Variants in OPCML observed in about 807,000 individuals in gnomAD.
OPCML encodes opioid-binding protein/cell adhesion molecule.
A neutral mutation model predicts 37.8 loss-of-function variants in OPCML; 13 were observed. The observed-to-expected ratio is 0.34, with a 90% confidence interval of 0.22 to 0.55. The LOEUF (loss-of-function observed/expected upper bound fraction) is 0.55. OPCML is among the 20% of genes least tolerant of loss of function. The pLI is 0.91. For synonymous variants in OPCML, 176 were observed against 168.8 expected (o/e 1.04, Z -0.33); for missense variants, 341 against 435.6 (o/e 0.78, Z 1.93).
intron 1 of OPCML, among the ~76,000 whole-genome samples, chr11:133,484,331 T>G (rs1947483292): frequency 6.6e-6 from 1 of 152,154 alleles, no homozygotes; most frequent in East Asian, 1.9e-4. Context: ...CCAATGATGA[T>G]AATGTCCCAT....
rs923309145 is a variant in OPCML, at chr11:133,174,588, A to C, written c.62-231578T>G. On this transcript the variant is annotated intron_variant, in intron 1 of 7. Transcript: ENST00000524381. The surrounding 1 kb of genome is among the most constrained non-coding windows in gnomAD (Gnocchi z 4.6). ...AGAGTTGTACTCTATCTATACAGTAAGTATATGCATTTATTTGTGTTGAAA... is the reference window on the plus strand; with the variant it reads ...AGAGTTGTACTCTATCTATACAGTACGTATATGCATTTATTTGTGTTGAAA... Among the ~76,000 whole-genome samples, 1 of 151,242 alleles carries C rather than the reference A, an allele frequency of 6.6e-6. No individual in the cohort carries two copies. The highest frequency in any genetic ancestry group is 2.1e-4 in the South Asian group (1 of 4,762).
intron 1 of OPCML, among the ~76,000 whole-genome samples, chr11:133,489,003 G>A (rs61912408): frequency 6.8e-6 from 1 of 147,150 alleles, no homozygotes; most frequent in African/African-American, 2.5e-5. Flanking sequence ...TTCACTAAAT[G>A]GTGTTGGGAA....
chr11:132,765,604 A>G (rs898961690), intron 2 of OPCML, among the ~76,000 whole-genome samples: 1 of 152,204 alleles, frequency 6.6e-6, no homozygotes, highest in Non-Finnish European at 1.5e-5. Flanking sequence ...ACTGGAGTTG[A>G]TTATCTTTCT....
At chr11:133,481,941 G>A (rs1947380597) in intron 1 of OPCML, among the ~76,000 whole-genome samples, 1 of 152,102 alleles carries the variant, frequency 6.6e-6, no homozygotes, top group African/African-American at 2.4e-5. Flanking sequence ...GGAAACCTGA[G>A]GTCAGAAACC....
At position 133,357,035 on chromosome 11, in the gene OPCML, C is replaced by A. The variant is rs563492839; in HGVS notation, c.61+175229G>T. On this transcript the variant is annotated intron_variant, in intron 1 of 7. Transcript: ENST00000524381. ...ATGTACTGAGAAAGTAGGTTATATA[C>A]TTGAATTGTCATTCAACCGTTTGCT... Among the ~76,000 whole-genome samples, 18 of 152,348 alleles carry A rather than the reference C, an allele frequency of 1.2e-4. No homozygotes were observed. In the South Asian group the frequency reaches 3.5e-3, roughly 30 times the overall value.
At chr11:133,132,370 C>T (rs1949618548) in intron 1 of OPCML, among the ~76,000 whole-genome samples, 3 of 152,160 alleles carry the variant, frequency 2.0e-5, no homozygotes, top group Non-Finnish European at 4.4e-5. Flanking sequence ...ATTAAAAAGA[C>T]TGATTATACC....
At chr11:133,258,819 C>A (rs2136451487) in intron 1 of OPCML, among the ~76,000 whole-genome samples, 1 of 152,250 alleles carries the variant, frequency 6.6e-6, no homozygotes, top group African/African-American at 2.4e-5. Flanking sequence ...CCCCACTCCA[C>A]CCAGCCTGCC....
At chr11:133,343,745 T>C (rs1429518168) in intron 1 of OPCML, among the ~76,000 whole-genome samples, 1 of 152,196 alleles carries the variant, frequency 6.6e-6, no homozygotes, top group East Asian at 1.9e-4. Flanking sequence ...ATTCAATCAC[T>C]TTACAAATGG....
At chr11:133,143,392 T>G (rs1336110693) in intron 1 of OPCML, among the ~76,000 whole-genome samples, 8 of 151,962 alleles carry the variant, frequency 5.3e-5, no homozygotes, top group Non-Finnish European at 8.8e-5. Flanking sequence ...CTCTATGGGG[T>G]GGAATGACCA....
At chr11:133,340,269 C>T (rs186413060) in intron 1 of OPCML, among the ~76,000 whole-genome samples, 3 of 152,244 alleles carry the variant, frequency 2.0e-5, no homozygotes, top group African/African-American at 2.4e-5. Context: ...TTTGACTCTC[C>T]GGGTAATCCG....
chr11:132,839,990 G>A (rs1941220168), intron 2 of OPCML, among the ~76,000 whole-genome samples: 1 of 152,144 alleles, frequency 6.6e-6, no homozygotes, highest in African/African-American at 2.4e-5. Context: ...TTGCTGGGAG[G>A]AGGTCCAGGC....
chr11:132,627,432 C>CTT (rs1354102836), intron 3 of OPCML, among the ~76,000 whole-genome samples: 1 of 152,216 alleles, frequency 6.6e-6, no homozygotes, highest in African/African-American at 2.4e-5. Flanking sequence ...ATAGCACAAT[C>CTT]TATCAGGATA....
At chr11:132,607,542 A>T (rs1183223353) in intron 3 of OPCML, among the ~76,000 whole-genome samples, 1 of 152,196 alleles carries the variant, frequency 6.6e-6, no homozygotes, top group Non-Finnish European at 1.5e-5. Context: ...ATAGAAGCCC[A>T]CAGTGTATAT....
chr11:133,094,682 C>G (rs1289188677), intron 1 of OPCML, among the ~76,000 whole-genome samples: 3 of 152,014 alleles, frequency 2.0e-5, no homozygotes, highest in Admixed American at 2.0e-4. Context: ...ATTCAAATAG[C>G]AAGAGAGAGA....
intron 1 of OPCML, among the ~76,000 whole-genome samples, chr11:133,466,372 A>C (rs1171223806): frequency 6.6e-6 from 1 of 152,206 alleles, no homozygotes; most frequent in Admixed American, 6.5e-5. Context: ...AGCAATTTGG[A>C]TTGGAGGAAG....
At chr11:133,314,802 G>A (rs944038207) in intron 1 of OPCML, among the ~76,000 whole-genome samples, 8 of 152,296 alleles carry the variant, frequency 5.3e-5, no homozygotes, top group Non-Finnish European at 7.3e-5. Flanking sequence ...AAAAATTAAC[G>A]TGCATCTGTT....
intron 3 of OPCML, among the ~76,000 whole-genome samples, chr11:132,616,863 C>A (rs1231669467): frequency 1.3e-5 from 2 of 152,226 alleles, no homozygotes; most frequent in African/African-American, 4.8e-5. Context: ...GGAGGACACA[C>A]TGGTTGTGTC....
chr11:133,378,350 T>C (rs1406850010), intron 1 of OPCML, among the ~76,000 whole-genome samples: 3 of 152,220 alleles, frequency 2.0e-5, no homozygotes, highest in African/African-American at 7.2e-5. Flanking sequence ...AACATTACGT[T>C]TGTATTAAAT....
intron 2 of OPCML, among the ~76,000 whole-genome samples, chr11:132,707,439 TA>T (rs1172483321): frequency 3.4e-4 from 52 of 152,328 alleles, no homozygotes; most frequent in African/African-American, 1.2e-3. Context: ...AGCACTCTGC[TA>T]GGCACTTTTG....
Sources: gnomAD v4.1 joint callset for allele counts (sites outside exome capture counted in the v4.1 genomes callset) on GRCh38, gnomAD v4.1.1 for gene constraint, Gnocchi (gnomAD v3.1) non-coding constraint, MANE v1.5 for transcripts, NCBI Gene and HGNC (gene_info 2026-07-23, HGNC 2026-07-21) for gene names.